Variants in FBP2 observed in about 807,000 individuals in gnomAD.
FBP2 encodes the protein fructose-bisphosphatase 2.
Under a neutral mutation model 31.6 loss-of-function variants are expected in FBP2, and 27 were observed. That is an observed-to-expected ratio of 0.85 (90% confidence interval 0.63 to 1.18). The LOEUF (loss-of-function observed/expected upper bound fraction) is 1.18, where lower values mean the gene tolerates loss of function less well. FBP2 is among the 50% of genes most tolerant of loss of function. The probability of loss-of-function intolerance (pLI) is 0.00; values close to 1 mark genes in which losing one functional copy is unlikely to be tolerated. For synonymous variants in FBP2, 168 were observed against 179.8 expected (o/e 0.93, Z 0.53); for missense variants, 421 against 436.1 (o/e 0.97, Z 0.31).
At chr9:94,563,929 A>G (rs534340705) in intron 5 of FBP2, among the ~76,000 whole-genome samples, 17 of 152,364 alleles carry the variant, frequency 1.1e-4, no homozygotes, top group South Asian at 4.1e-4. Context: ...CAATTCAACA[A>G]GAAGACTTAA....
chr9:94,579,357 C>T (rs1827351964), intron 3 of FBP2, among the ~76,000 whole-genome samples: 2 of 138,624 alleles, frequency 1.4e-5, no homozygotes, highest in Non-Finnish European at 3.0e-5. Context: ...GAGATTATGC[C>T]ACCGCACTCC....
intron 6 of FBP2, among the ~76,000 whole-genome samples, chr9:94,560,739 T>C (rs1188067737): frequency 6.8e-6 from 1 of 147,980 alleles, no homozygotes; most frequent in Admixed American, 6.8e-5. Context: ...TATATTTACA[T>C]ATAATATGTT....
intron 6 of FBP2, 138 bp from the exon 7 acceptor site, chr9:94,559,270 G>T: frequency 1.4e-6 from 1 of 704,366 alleles, no homozygotes; most frequent in Non-Finnish European, 2.3e-6. Context: ...CCTTGCAAGA[G>T]TGGGCCCGAG....
rs550624291 is a variant in FBP2 at position 94,570,518 on chromosome 9, C to T, written c.567+944G>A. 3.0e-4 allele frequency: 46 copies of T among 151,790 alleles called. No homozygotes were observed. In the South Asian group the frequency reaches 7.1e-3, roughly 23 times the overall value. The allele number at this position is 151,790 out of a possible 1,614,324, so 9.4% of individuals were successfully genotyped here. On this transcript the variant is annotated intron_variant, in intron 4 of 6. Transcript: ENST00000375337. ...AGGTACTTTACATTCCTACCACTTA[C>T]GAAGAATTATCTAACTCTTAGCTGT...
Position 94,558,758 on chromosome 9 carries a change from G to T in FBP2, c.*180C>A. 1 of 602,496 alleles carries T rather than the reference G, an allele frequency of 1.7e-6. No homozygotes were observed. The allele number at this position is 602,496 out of a possible 1,614,324, so 37.3% of individuals were successfully genotyped here. On this transcript the variant is annotated 3_prime_UTR_variant, in exon 7 of 7. Coordinates refer to ENST00000375337, the MANE Select transcript of FBP2 (RefSeq NM_003837.4). ...GTTTTTATTTCTAGTCCTTCACATT[G>T]ACCATAGAATCGCCTGTGGCTTCCA...
intron 4 of FBP2, 185 bp from the exon 5 acceptor site, chr9:94,567,592 G>A (rs1192836496): frequency 1.7e-6 from 1 of 596,132 alleles, no homozygotes; most frequent in African/African-American, 1.8e-5. Context: ...ACCATATGGA[G>A]CCCACACAGG....
Position 94,579,050 on chromosome 9 carries a change from CAA to C in FBP2, c.426+5525_426+5526del, listed in dbSNP as rs55778806. ...CCTGGGCAACAGAGAGAGACTCTGT[CAA>C]AAAAAAAAAAAAAAAAAGGTTATTT... On this transcript the variant is annotated intron_variant, in intron 3 of 6. Coordinates refer to ENST00000375337, the MANE Select transcript of FBP2 (RefSeq NM_003837.4). 4.6e-4 allele frequency among the ~76,000 whole-genome samples: 14 copies of C among 30,594 alleles called. 1 individual carries two copies. Among genetic ancestry groups the C allele is most frequent in the South Asian group, 1.5e-3 (1 of 670 alleles). The allele number at this position is 30,594 out of a possible 152,430, so 20.1% of individuals were successfully genotyped here. A position where few individuals can be genotyped will look rare whatever the true frequency, so the allele number is the denominator to read the frequency against.
At chr9:94,592,023 G>A (rs1827509340) in intron 1 of FBP2, among the ~76,000 whole-genome samples, 1 of 152,186 alleles carries the variant, frequency 6.6e-6, no homozygotes, top group South Asian at 2.1e-4. Flanking sequence ...CCCAATTTAT[G>A]TGGATGAATC....
At chr9:94,584,942 C>G (rs1827411083) in intron 2 of FBP2, among the ~76,000 whole-genome samples, 1 of 152,196 alleles carries the variant, frequency 6.6e-6, no homozygotes, top group Non-Finnish European at 1.5e-5. Context: ...CCCACACCCA[C>G]CCACTCTGCT....
chr9:94,574,700 C>T (rs1827299843), intron 3 of FBP2, among the ~76,000 whole-genome samples: 8 of 152,118 alleles, frequency 5.3e-5, no homozygotes, highest in Admixed American at 5.2e-4. Context: ...ATTTCTCCTA[C>T]ATCAAGACAG....
chr9:94,579,979 T>C (rs562897603), intron 3 of FBP2, among the ~76,000 whole-genome samples: 2 of 152,376 alleles, frequency 1.3e-5, no homozygotes, highest in African/African-American at 4.8e-5. Context: ...TCTCATGCAG[T>C]TACTGAGAAT....
intron 4 of FBP2, chr9:94,568,293 G>C (rs1827222986): frequency 6.6e-6 from 1 of 152,150 alleles, no homozygotes; most frequent in Non-Finnish European, 1.5e-5. Context: ...AAAATCTAAA[G>C]GAATCCTCAG....
At chr9:94,559,442 A>G (rs554514053) in intron 6 of FBP2, among the ~76,000 whole-genome samples, 2 of 152,260 alleles carry the variant, frequency 1.3e-5, no homozygotes, top group South Asian at 2.1e-4. Context: ...CTAGGCATCT[A>G]TTTCTTGGTT....
intron 3 of FBP2, among the ~76,000 whole-genome samples, chr9:94,582,138 C>T (rs1303362807): frequency 6.6e-6 from 1 of 152,176 alleles, no homozygotes; most frequent in African/African-American, 2.4e-5. Flanking sequence ...GACCACCAAC[C>T]ATGGGCTAGG....
chr9:94,591,189 C>A (rs564267635), intron 1 of FBP2, among the ~76,000 whole-genome samples: 1 of 152,344 alleles, frequency 6.6e-6, no homozygotes, highest in African/African-American at 2.4e-5. Flanking sequence ...CGCTGTGGAG[C>A]GGGGGGTGGC....
At chr9:94,566,293 C>T (rs532524883) in intron 5 of FBP2, among the ~76,000 whole-genome samples, 24 of 152,374 alleles carry the variant, frequency 1.6e-4, no homozygotes, top group African/African-American at 5.0e-4. Flanking sequence ...TTAATGCCCA[C>T]GCTGGAAGGT....
chr9:94,569,253 G>C (rs949166215), intron 4 of FBP2: 7 of 152,300 alleles, frequency 4.6e-5, no homozygotes, highest in African/African-American at 1.7e-4. Flanking sequence ...CAGCACTGGG[G>C]GTGGTGTCCA....
At chr9:94,592,505 G>A (rs892567078) in intron 1 of FBP2, among the ~76,000 whole-genome samples, 1 of 152,118 alleles carries the variant, frequency 6.6e-6, no homozygotes, top group Non-Finnish European at 1.5e-5. Context: ...ATTACTACAA[G>A]GGAAGCCCAA....
intron 6 of FBP2, among the ~76,000 whole-genome samples, chr9:94,559,887 G>A (rs985209153): frequency 2.0e-5 from 3 of 152,100 alleles, no homozygotes; most frequent in African/African-American, 7.2e-5. Flanking sequence ...CAGGATTTTG[G>A]GAGGCCGAGG....
Sources: gnomAD v4.1 joint callset for allele counts (sites outside exome capture counted in the v4.1 genomes callset) on GRCh38, gnomAD v4.1.1 for gene constraint, MANE v1.5 for transcripts, NCBI Gene and HGNC (gene_info 2026-07-23, HGNC 2026-07-21) for gene names.